The following RBMS3 variants were observed in gnomAD, a reference collection of about 807,000 sequenced individuals.
RBMS3 encodes RNA binding motif single stranded interacting protein 3.
RBMS3 carries 27 observed loss-of-function variants against 66.8 expected under a neutral mutation model. That is an observed-to-expected ratio of 0.40 (90% CI 0.30 to 0.56). The LOEUF (loss-of-function observed/expected upper bound fraction) is 0.56. RBMS3 is among the 20% of genes least tolerant of loss of function. The pLI, the probability that RBMS3 is intolerant of heterozygous loss-of-function variation, is 0.40. For missense variants in RBMS3, 513 were observed against 549.5 expected (o/e 0.93, Z 0.66); for synonymous variants, 188 against 183.0 (o/e 1.03, Z -0.22).
rs1211252382 is a variant in RBMS3 at position 30,008,610 on chromosome 3, G to C, written c.*4748G>C. The C allele has an allele frequency of 1.3e-5, 2 of 151,998 alleles. No individual in the cohort carries two copies. Among genetic ancestry groups the C allele is most frequent in the African/African-American group, 4.8e-5 (2 of 41,398 alleles). 9.4% of individuals were successfully genotyped at this position (151,998 alleles called of 1,614,324 possible). A position where few individuals can be genotyped will look rare whatever the true frequency, so the allele number is the denominator to read the frequency against. On this transcript the variant is annotated 3_prime_UTR_variant, in exon 15 of 15. Transcript: ENST00000383767. The stretch of plus-strand genomic sequence containing the variant: ...CTGACAGCCTCTCACTTCAATCTGA[G>C]GGATTGACAGAATTTAAACAGGCTC...
rs1274472993 is a variant in RBMS3 at position 29,281,768 on chromosome 3, C to A, written c.75+12C>A. On this transcript the variant is annotated intron_variant, in intron 1 of 14. Coordinates refer to ENST00000383767, the MANE Select transcript of RBMS3 (RefSeq NM_001003793.3). ...ATCTCCAAACCAAGGTATGGCTTGA[C>A]CCACGGTCTGGCGATCAGCGTGGTA... 1 of 1,604,840 alleles carries A rather than the reference C, an allele frequency of 6.2e-7. No homozygotes were observed. The highest frequency in any genetic ancestry group is 8.5e-7 in the Non-Finnish European group (1 of 1,172,482).
chr3:29,340,275 C>T (rs2036209063), intron 1 of RBMS3, among the ~76,000 whole-genome samples: 1 of 152,142 alleles, frequency 6.6e-6, no homozygotes, highest in Non-Finnish European at 1.5e-5. Context: ...TGGTGTCCCT[C>T]TAAGTGAAGA....
At chr3:29,974,937 TTTA>T (rs995107333) in intron 12 of RBMS3, among the ~76,000 whole-genome samples, 1 of 143,062 alleles carries the variant, frequency 7.0e-6, no homozygotes. Context: ...CGTTTCTATA[TTTA>T]TATATTTTAT....
chr3:29,700,902 G>A (rs2052540204), intron 4 of RBMS3, among the ~76,000 whole-genome samples: 1 of 152,150 alleles, frequency 6.6e-6, no homozygotes, highest in South Asian at 2.1e-4. Flanking sequence ...ATACGTTGGA[G>A]ATTGGACATT....
chr3:29,576,402 G>A (rs944031141), intron 3 of RBMS3, among the ~76,000 whole-genome samples: 1 of 152,154 alleles, frequency 6.6e-6, no homozygotes, highest in African/African-American at 2.4e-5. Context: ...TCCTGTGGCT[G>A]CCATCAATGT....
chr3:29,347,541 TG>T (rs1356854166), intron 1 of RBMS3, among the ~76,000 whole-genome samples: 5 of 152,178 alleles, frequency 3.3e-5, no homozygotes, highest in Non-Finnish European at 5.9e-5. Context: ...GCATTCGCGA[TG>T]GGGGGAAAAT....
At chr3:29,412,132 A>G (rs1395123750) in intron 1 of RBMS3, among the ~76,000 whole-genome samples, 1 of 152,234 alleles carries the variant, frequency 6.6e-6, no homozygotes, top group Non-Finnish European at 1.5e-5. Flanking sequence ...TTTCTGTAAC[A>G]GGCAAAATTC....
intron 1 of RBMS3, among the ~76,000 whole-genome samples, chr3:29,363,349 AG>A (rs2037713715): frequency 6.6e-6 from 1 of 152,208 alleles, no homozygotes; most frequent in Admixed American, 6.5e-5. Flanking sequence ...GAGATCAGCA[AG>A]ATCTGGTTAC....
At chr3:29,976,188 C>G (rs527818038) in intron 12 of RBMS3, among the ~76,000 whole-genome samples, 1 of 151,774 alleles carries the variant, frequency 6.6e-6, no homozygotes, top group African/African-American at 2.4e-5. Context: ...TACAATAATT[C>G]TCTGTATTTC....
At chr3:29,654,808 G>A (rs2050271026) in intron 4 of RBMS3, among the ~76,000 whole-genome samples, 1 of 149,802 alleles carries the variant, frequency 6.7e-6, no homozygotes, top group South Asian at 2.1e-4. Context: ...ATGTTGACCA[G>A]GCTGGTCTCA....
In RBMS3 at chr3:29,431,347, C is replaced by A. The variant is rs185419455; in HGVS notation, c.76-3396C>A. 2.8e-4 allele frequency among the ~76,000 whole-genome samples: 38 copies of A among 136,146 alleles called. No individual in the cohort carries two copies. In the East Asian group the frequency reaches 3.8e-3, roughly 14 times the overall value. The allele number at this position is 136,146 out of a possible 152,430, so 89.3% of individuals were successfully genotyped here. On this transcript the variant is annotated intron_variant, in intron 1 of 14. Coordinates refer to ENST00000383767, the MANE Select transcript of RBMS3 (RefSeq NM_001003793.3). ...CTCACTCTGTCGCCTGGCTGGAGTA[C>A]AGTGGCGCAATCTCGGCTCACTGCA...
intron 4 of RBMS3, among the ~76,000 whole-genome samples, chr3:29,657,091 AT>A (rs1306805975): frequency 6.6e-6 from 1 of 152,200 alleles, no homozygotes; most frequent in Non-Finnish European, 1.5e-5. Context: ...CTAGGCTAGA[AT>A]TCAGTCACAT....
chr3:29,425,760 C>T (rs1216709605), intron 1 of RBMS3, among the ~76,000 whole-genome samples: 1 of 152,164 alleles, frequency 6.6e-6, no homozygotes, highest in African/African-American at 2.4e-5. Context: ...TTGTACATTT[C>T]TGAAGACCTC....
chr3:29,343,114 C>A (rs76752090), intron 1 of RBMS3, among the ~76,000 whole-genome samples: 194 of 152,112 alleles, frequency 1.3e-3, no homozygotes, highest in African/African-American at 4.5e-3. Context: ...ATGTTTGTAT[C>A]CATATTGTTG....
chr3:29,452,509 T>G, intron 2 of RBMS3, among the ~76,000 whole-genome samples: 1 of 152,168 alleles, frequency 6.6e-6, no homozygotes, highest in East Asian at 1.9e-4. Context: ...ATTTAGGATT[T>G]CAAATGTCAA....
intron 3 of RBMS3, among the ~76,000 whole-genome samples, chr3:29,499,371 T>A (rs1000168711): frequency 3.3e-5 from 5 of 152,036 alleles, no homozygotes; most frequent in Non-Finnish European, 7.4e-5. Flanking sequence ...GAAAAACTCA[T>A]GTACATAGCT....
At chr3:29,587,227 GTTTTTTTTTTTT>G in intron 4 of RBMS3, 22 bp downstream of exon 4, 2 of 212,122 alleles carry the variant, frequency 9.4e-6, no homozygotes, top group African/African-American at 2.0e-4. Flanking sequence ...GTTTAGGGGT[GTTTTTTTTTTTT>G]TTTTTTTTTT....
At chr3:29,953,472 T>A (rs777561976) in intron 12 of RBMS3, among the ~76,000 whole-genome samples, 7 of 151,966 alleles carry the variant, frequency 4.6e-5, no homozygotes, top group Non-Finnish European at 7.4e-5. Flanking sequence ...AAAGGTTATT[T>A]GAAAGATTTC....
At chr3:29,362,761 G>T (rs2037675932) in intron 1 of RBMS3, among the ~76,000 whole-genome samples, 1 of 152,172 alleles carries the variant, frequency 6.6e-6, no homozygotes, top group Admixed American at 6.5e-5. Flanking sequence ...AGTGGATTAA[G>T]ATATTTTAAG....
Sources: allele counts gnomAD v4.1 joint callset (sites outside exome capture counted in the v4.1 genomes callset), GRCh38; gene constraint gnomAD v4.1.1; transcripts MANE v1.5; gene names NCBI Gene and HGNC (gene_info 2026-07-23, HGNC 2026-07-21).